Variants in TAOK3 observed in about 807,000 individuals in gnomAD.
TAOK3 encodes the protein serine/threonine-protein kinase TAO3.
In TAOK3, 40 loss-of-function variants were observed where a neutral mutation model predicts 120.4. That is an observed-to-expected ratio of 0.33 (90% confidence interval 0.26 to 0.43). The LOEUF is 0.43. TAOK3 is among the 20% of genes least tolerant of loss of function. TAOK3 has a pLI of 1.00. For missense variants in TAOK3, 821 were observed against 1,112.1 expected (o/e 0.74, Z 3.72); for synonymous variants, 355 against 387.5 (o/e 0.92, Z 0.99).
intron 17 of TAOK3, among the ~76,000 whole-genome samples, chr12:118,164,707 C>G (rs2035469960): frequency 6.6e-6 from 1 of 152,190 alleles, no homozygotes. Flanking sequence ...CGTGAGCCAC[C>G]ATGCCCCAGC....
chr12:118,348,276 C>T (rs2044964413), intron 1 of TAOK3, among the ~76,000 whole-genome samples: 1 of 152,180 alleles, frequency 6.6e-6, no homozygotes, highest in Non-Finnish European at 1.5e-5. Flanking sequence ...AGGACATGGA[C>T]CTTTCTTAAT....
In TAOK3 at chr12:118,235,629, C is replaced by T. The variant is rs2039989185; in HGVS notation, c.480G>A (p.Gln160=). ...AGNILLTEPG[Q]VKLADFGSAS... ...CAGATCCAAAATCAGCTAGTTTTAC[C>T]TGACCTGGCTCTGTTAGAAGAATAT... The change falls in exon 8 of 21, where the codon CAG becomes CAA. Residue 160 remains glutamine (Q), a synonymous_variant. Coordinates refer to ENST00000392533, the MANE Select transcript of TAOK3 (RefSeq NM_016281.4). 1 of 1,613,574 alleles carries T rather than the reference C, an allele frequency of 6.2e-7. No individual in the cohort carries two copies. Among genetic ancestry groups the T allele is most frequent in the African/African-American group, 1.3e-5 (1 of 74,900 alleles).
intron 17 of TAOK3, among the ~76,000 whole-genome samples, chr12:118,170,703 C>T (rs2035947998): frequency 6.6e-6 from 1 of 152,156 alleles, no homozygotes; most frequent in Non-Finnish European, 1.5e-5. Context: ...GTGGAGGTTG[C>T]AGTGAGCTGA....
At chr12:118,200,323 T>G (rs1038445946) in intron 12 of TAOK3, 2 of 152,202 alleles carry the variant, frequency 1.3e-5, no homozygotes, top group African/African-American at 2.4e-5. Flanking sequence ...TCTTTAACTA[T>G]ATCCCTTTCT....
At chr12:118,218,683 G>C (rs1185737651) in intron 9 of TAOK3, among the ~76,000 whole-genome samples, 2 of 151,382 alleles carry the variant, frequency 1.3e-5, no homozygotes, top group African/African-American at 2.4e-5. Flanking sequence ...GAATATTTCT[G>C]ATCTGTGGCT....
At chr12:118,232,137 A>G (rs1401539832) in intron 9 of TAOK3, among the ~76,000 whole-genome samples, 1 of 152,160 alleles carries the variant, frequency 6.6e-6, no homozygotes, top group East Asian at 1.9e-4. Context: ...TATTTACATC[A>G]TGGAAATTGG....
At chr12:118,200,830 A>C (rs1280625826) in intron 12 of TAOK3, 1 of 152,588 alleles carries the variant, frequency 6.6e-6, no homozygotes, top group Non-Finnish European at 1.5e-5. Context: ...TACCTCTACG[A>C]TGTTTCTCTA....
intron 9 of TAOK3, among the ~76,000 whole-genome samples, chr12:118,219,610 A>AC (rs2039121148): frequency 6.7e-6 from 1 of 149,968 alleles, no homozygotes; most frequent in Non-Finnish European, 1.5e-5. Flanking sequence ...TATTTGTGTA[A>AC]TTTTTTTGAG....
At chr12:118,297,404 C>T (rs1218406037) in intron 1 of TAOK3, among the ~76,000 whole-genome samples, 1 of 152,194 alleles carries the variant, frequency 6.6e-6, no homozygotes, top group African/African-American at 2.4e-5. Flanking sequence ...TGTTGTACTT[C>T]AGCCACACTG....
At chr12:118,156,565 TG>T (rs1159307152) in intron 19 of TAOK3, among the ~76,000 whole-genome samples, 1 of 152,130 alleles carries the variant, frequency 6.6e-6, no homozygotes, top group African/African-American at 2.4e-5. Context: ...ACTTTCCTTC[TG>T]AGGTCCAGAC....
chr12:118,263,277 T>C (rs1045945314), intron 2 of TAOK3, among the ~76,000 whole-genome samples: 1 of 152,212 alleles, frequency 6.6e-6, no homozygotes, highest in Non-Finnish European at 1.5e-5. Context: ...ACTGGAACAC[T>C]TGCATCCAAA....
intron 17 of TAOK3, among the ~76,000 whole-genome samples, chr12:118,163,547 C>T (rs1464160514): frequency 6.7e-6 from 1 of 149,104 alleles, no homozygotes; most frequent in Non-Finnish European, 1.5e-5. Flanking sequence ...TCCCAAAATG[C>T]TGTGATTATA....
At chr12:118,181,751 G>A (rs2036738910) in intron 14 of TAOK3, 144 bp from the exon 15 acceptor site, 6 of 683,090 alleles carry the variant, frequency 8.8e-6, no homozygotes, top group Non-Finnish European at 1.5e-5. Flanking sequence ...CTCACCCGTA[G>A]GGGGCACTGT....
chr12:118,284,155 C>T (rs763490261), intron 1 of TAOK3, among the ~76,000 whole-genome samples: 2 of 151,966 alleles, frequency 1.3e-5, no homozygotes, highest in Non-Finnish European at 2.9e-5. Context: ...TTCTGTTTAT[C>T]TTTCTTTGTT....
chr12:118,172,739 G>A, intron 16 of TAOK3, 79 bp from the exon 17 acceptor site: 1 of 1,299,444 alleles, frequency 7.7e-7, no homozygotes. Context: ...TGAAGATTAA[G>A]TTATTTGGAA....
At chr12:118,263,274 C>T (rs138220327) in intron 2 of TAOK3, among the ~76,000 whole-genome samples, 1 of 152,276 alleles carries the variant, frequency 6.6e-6, no homozygotes, top group Non-Finnish European at 1.5e-5. Flanking sequence ...GGTACTGGAA[C>T]ACTTGCATCC....
chr12:118,231,769 C>G (rs1481188990), intron 9 of TAOK3, among the ~76,000 whole-genome samples: 1 of 151,474 alleles, frequency 6.6e-6, no homozygotes, highest in Non-Finnish European at 1.5e-5. Context: ...ATTAAAAACA[C>G]AAAATTAGCC....
At chr12:118,265,024 ACT>A (rs529865900) in intron 2 of TAOK3, among the ~76,000 whole-genome samples, 11 of 151,988 alleles carry the variant, frequency 7.2e-5, no homozygotes, top group Non-Finnish European at 1.5e-4. Flanking sequence ...ACAGAGCGAG[ACT>A]CTGTCTCAAA....
At chr12:118,207,396 T>C (rs2038383478) in intron 11 of TAOK3, among the ~76,000 whole-genome samples, 1 of 151,710 alleles carries the variant, frequency 6.6e-6, no homozygotes, top group Non-Finnish European at 1.5e-5. Context: ...ACATAAATAT[T>C]AAGTTACAGA....
Sources: allele counts gnomAD v4.1 joint callset (sites outside exome capture counted in the v4.1 genomes callset), GRCh38; gene constraint gnomAD v4.1.1; transcripts MANE v1.5; gene names NCBI Gene and HGNC (gene_info 2026-07-23, HGNC 2026-07-21).